THSD4: variants seen among roughly 807,000 people sequenced by gnomAD.
THSD4 encodes the protein thrombospondin type 1 domain containing 4.
Under a neutral mutation model 119.0 loss-of-function variants are expected in THSD4, and 69 were observed. The observed-to-expected ratio is 0.58, with a 90% confidence interval of 0.48 to 0.71. The LOEUF is 0.71. Ranked by LOEUF, THSD4 falls within the 30% of genes least tolerant of loss-of-function variation. The pLI, the probability that THSD4 is intolerant of heterozygous loss-of-function variation, is 0.00. For missense variants in THSD4, 1,393 were observed against 1,391.1 expected (o/e 1.00, Z -0.02); for synonymous variants, 524 against 540.4 (o/e 0.97, Z 0.42).
intron 8 of THSD4, among the ~76,000 whole-genome samples, chr15:71,715,332 G>T (rs547214163): frequency 6.6e-6 from 1 of 152,312 alleles, no homozygotes; most frequent in East Asian, 1.9e-4. Context: ...CATGGCGACA[G>T]TGCCTTGTTG....
At chr15:71,698,125 T>C (rs2141065111) in intron 8 of THSD4, among the ~76,000 whole-genome samples, 2 of 152,250 alleles carry the variant, frequency 1.3e-5, no homozygotes, top group Middle Eastern at 3.4e-3. Context: ...TGAAAATCAT[T>C]TGGTACTTGT....
intron 8 of THSD4, among the ~76,000 whole-genome samples, chr15:71,675,397 G>A (rs1371615968): frequency 6.6e-6 from 1 of 152,136 alleles, no homozygotes; most frequent in Non-Finnish European, 1.5e-5. Context: ...GCTCTTCCCG[G>A]TGAGGCCGTG....
At chr15:71,185,253 T>C (rs934630009) in intron 3 of THSD4, among the ~76,000 whole-genome samples, 1 of 151,846 alleles carries the variant, frequency 6.6e-6, no homozygotes, top group Non-Finnish European at 1.5e-5. Context: ...AAAAGAGTTA[T>C]ACCTAATTTA....
At chr15:71,168,652 A>G (rs1037450883) in intron 3 of THSD4, among the ~76,000 whole-genome samples, 1 of 152,204 alleles carries the variant, frequency 6.6e-6, no homozygotes, top group African/African-American at 2.4e-5. Flanking sequence ...TAAGCAGGTC[A>G]CGATGCAAAC....
chr15:71,621,447 G>A (rs1001090720), intron 7 of THSD4, among the ~76,000 whole-genome samples: 1 of 151,930 alleles, frequency 6.6e-6, no homozygotes, highest in Non-Finnish European at 1.5e-5. Flanking sequence ...CTTTATTCCA[G>A]TTATTTGTTG....
chr15:71,147,256 G>A (rs2040671737), intron 2 of THSD4, among the ~76,000 whole-genome samples: 1 of 152,078 alleles, frequency 6.6e-6, no homozygotes, highest in Admixed American at 6.5e-5. Flanking sequence ...CCAGGCTGGG[G>A]TCCAGTGGCA....
chr15:71,589,364 T>TTTATTTATTTA (rs1555429826), intron 7 of THSD4, among the ~76,000 whole-genome samples: 4 of 131,282 alleles, frequency 3.0e-5, no homozygotes, highest in African/African-American at 1.0e-4. Flanking sequence ...TTATTTATTT[T>TTTATTTATTTA]TTTATTTATT....
chr15:71,393,827 A>G (rs1376531303), intron 6 of THSD4, among the ~76,000 whole-genome samples: 2 of 152,300 alleles, frequency 1.3e-5, no homozygotes, highest in South Asian at 4.1e-4. Context: ...GGAGCCTCCT[A>G]TTCTCATCCG....
intron 7 of THSD4, among the ~76,000 whole-genome samples, chr15:71,562,778 C>CT (rs530262317): frequency 6.6e-6 from 1 of 151,018 alleles, no homozygotes; most frequent in African/African-American, 2.4e-5. Context: ...TCTCAGCTCA[C>CT]TGCAACCTCC....
chr15:71,451,204 G>A (rs920020065), intron 7 of THSD4, among the ~76,000 whole-genome samples: 1 of 152,174 alleles, frequency 6.6e-6, no homozygotes, highest in Non-Finnish European at 1.5e-5. Context: ...GGCTTCTAGG[G>A]GTGGTAGCGA....
chr15:71,613,085 G>C (rs56139943), intron 7 of THSD4, among the ~76,000 whole-genome samples: 1,877 of 152,310 alleles, frequency 0.012, 15 homozygotes, highest in Non-Finnish European at 0.018. Context: ...ATTTTCATTT[G>C]TTAATGGCCC....
At chr15:71,585,573 G>A (rs1353035481) in intron 7 of THSD4, among the ~76,000 whole-genome samples, 3 of 152,130 alleles carry the variant, frequency 2.0e-5, no homozygotes, top group African/African-American at 7.2e-5. Context: ...TTAAGGTTCA[G>A]TCTGTTCGGG....
At chr15:71,272,366 C>G (rs2044540300) in intron 6 of THSD4, among the ~76,000 whole-genome samples, 1 of 137,274 alleles carries the variant, frequency 7.3e-6, no homozygotes. Flanking sequence ...CCATTGCACT[C>G]CAGCCAGGGG....
chr15:71,599,982 C>A (rs2049976477), intron 7 of THSD4, among the ~76,000 whole-genome samples: 1 of 152,224 alleles, frequency 6.6e-6, no homozygotes, highest in African/African-American at 2.4e-5. Context: ...TCTAAAACAT[C>A]CAGGCGTGGT....
chr15:71,449,784 A>C (rs1166756727), intron 7 of THSD4, among the ~76,000 whole-genome samples: 6 of 152,214 alleles, frequency 3.9e-5, no homozygotes, highest in Non-Finnish European at 8.8e-5. Context: ...TTTAATTGGG[A>C]GAAAATTGAT....
At chr15:71,730,251 A>G (rs1456730300) in intron 9 of THSD4, 5 of 152,188 alleles carry the variant, frequency 3.3e-5, no homozygotes, top group African/African-American at 1.2e-4. Flanking sequence ...GCTGCTTTAT[A>G]AAGCAGCAGA....
At chr15:71,353,479 TA>T (rs1362310578) in intron 6 of THSD4, among the ~76,000 whole-genome samples, 1 of 152,214 alleles carries the variant, frequency 6.6e-6, no homozygotes, top group Non-Finnish European at 1.5e-5. Flanking sequence ...TCCTTTAAAG[TA>T]CTTCAAAGGT....
At chr15:71,490,576 AAAAAC>A (rs1488834851) in intron 7 of THSD4, among the ~76,000 whole-genome samples, 2 of 147,586 alleles carry the variant, frequency 1.4e-5, no homozygotes, top group Non-Finnish European at 3.0e-5. Flanking sequence ...AAAAAAAAAA[AAAAAC>A]ATTAGCCAGG....
chr15:71,680,670 C>T (rs1488832087), intron 8 of THSD4, among the ~76,000 whole-genome samples: 1 of 152,186 alleles, frequency 6.6e-6, no homozygotes, highest in Non-Finnish European at 1.5e-5. Flanking sequence ...TCAAACATTT[C>T]AGTATGAGCA....
Sources: gnomAD v4.1 joint callset for allele counts (sites outside exome capture counted in the v4.1 genomes callset) on GRCh38, gnomAD v4.1.1 for gene constraint, MANE v1.5 for transcripts, NCBI Gene and HGNC (gene_info 2026-07-23, HGNC 2026-07-21) for gene names.